Variants in ARHGAP24 observed in about 807,000 individuals in gnomAD.
ARHGAP24 encodes rho GTPase-activating protein 24.
Under a neutral mutation model 76.4 loss-of-function variants are expected in ARHGAP24, and 50 were observed. The observed-to-expected ratio is 0.65, with a 90% CI of 0.52 to 0.83. The LOEUF is 0.83. Among genes scored for constraint, ARHGAP24 ranks in the 40% least tolerant of loss-of-function variants. The pLI, the probability that ARHGAP24 is intolerant of heterozygous loss-of-function variation, is 0.00. For synonymous variants in ARHGAP24, 345 were observed against 323.3 expected (o/e 1.07, Z -0.72); for missense variants, 930 against 914.2 (o/e 1.02, Z -0.22).
intron 3 of ARHGAP24, among the ~76,000 whole-genome samples, chr4:85,911,895 A>G (rs1439799411): frequency 2.0e-5 from 3 of 152,222 alleles, no homozygotes; most frequent in Non-Finnish European, 4.4e-5. Context: ...ACAGGTTAAC[A>G]TTCTTTATAA....
chr4:85,782,337 C>T (rs889140154), intron 3 of ARHGAP24, among the ~76,000 whole-genome samples: 1 of 152,068 alleles, frequency 6.6e-6, no homozygotes, highest in African/African-American at 2.4e-5. Flanking sequence ...TACCATAAGA[C>T]CTAAATTTAA....
At chr4:85,565,178 A>G (rs1324378119) in intron 1 of ARHGAP24, among the ~76,000 whole-genome samples, 1 of 151,874 alleles carries the variant, frequency 6.6e-6, no homozygotes, top group Non-Finnish European at 1.5e-5. Flanking sequence ...TATTAGCAAT[A>G]CCTATAAAAT....
chr4:85,785,331 A>G (rs1047962970), intron 3 of ARHGAP24, among the ~76,000 whole-genome samples: 2 of 152,208 alleles, frequency 1.3e-5, no homozygotes, highest in Non-Finnish European at 2.9e-5. Context: ...TCTGAGTTCA[A>G]TTTGGGTTTT....
intron 3 of ARHGAP24, among the ~76,000 whole-genome samples, chr4:85,836,018 T>A (rs1270144991): frequency 1.3e-5 from 2 of 152,188 alleles, no homozygotes; most frequent in Non-Finnish European, 2.9e-5. Context: ...ATTATGGAAT[T>A]CAGACTTGGC....
At chr4:85,604,837 C>T (rs1231832438) in intron 2 of ARHGAP24, among the ~76,000 whole-genome samples, 3 of 152,038 alleles carry the variant, frequency 2.0e-5, no homozygotes, top group Non-Finnish European at 4.4e-5. Context: ...ATTGGCCTCC[C>T]AAAGTGCTGG....
intron 3 of ARHGAP24, among the ~76,000 whole-genome samples, chr4:85,740,588 T>C (rs970734946): frequency 5.3e-5 from 8 of 152,220 alleles, no homozygotes; most frequent in Non-Finnish European, 1.0e-4. Flanking sequence ...TAGCTATCTT[T>C]TACCTGTTTT....
At position 85,545,621 on chromosome 4, in the gene ARHGAP24, A is replaced by G. The variant is rs1578023175; in HGVS notation, c.-20-24901A>G. Among the ~76,000 whole-genome samples the G allele has an allele frequency of 3.3e-5, 5 of 152,322 alleles. No individual in the cohort carries two copies. The East Asian group carries it at 9.6e-4, about 29-fold the overall frequency. ...CTGCTTCCAAGCTGCTGAAGGGGAA[A>G]GAGCAAAGTCAATGTGGCAGAAAGT... On this transcript the variant is annotated intron_variant, in intron 1 of 9. Coordinates refer to ENST00000395184, the MANE Select transcript of ARHGAP24 (RefSeq NM_001025616.3).
At chr4:85,746,879 T>A (rs1213031229) in intron 3 of ARHGAP24, among the ~76,000 whole-genome samples, 9 of 152,058 alleles carry the variant, frequency 5.9e-5, no homozygotes, top group Admixed American at 2.0e-4. Context: ...GGTCTCGATC[T>A]CCTGACCTCG....
At chr4:85,957,261 C>G (rs1290729083) in intron 5 of ARHGAP24, among the ~76,000 whole-genome samples, 1 of 152,198 alleles carries the variant, frequency 6.6e-6, no homozygotes, top group Non-Finnish European at 1.5e-5. Context: ...AATGTATTCA[C>G]AGTTTTCTTT....
chr4:85,763,550 T>G (rs1227773178), intron 3 of ARHGAP24, among the ~76,000 whole-genome samples: 1 of 152,108 alleles, frequency 6.6e-6, no homozygotes, highest in Admixed American at 6.6e-5. Flanking sequence ...CCAGTAAGAA[T>G]GTAGAGGAGC....
At chr4:85,895,445 T>C (rs1402565523) in intron 3 of ARHGAP24, among the ~76,000 whole-genome samples, 3 of 152,074 alleles carry the variant, frequency 2.0e-5, no homozygotes, top group Non-Finnish European at 4.4e-5. Context: ...AGGACACTCA[T>C]GGAAGGCACT....
At chr4:85,706,581 T>C (rs1269182941) in intron 2 of ARHGAP24, among the ~76,000 whole-genome samples, 1 of 152,078 alleles carries the variant, frequency 6.6e-6, no homozygotes, top group Non-Finnish European at 1.5e-5. Context: ...TCTTTTTTCT[T>C]TTGAGATGGA....
intron 3 of ARHGAP24, among the ~76,000 whole-genome samples, chr4:85,910,915 A>C (rs1735039301): frequency 6.6e-6 from 1 of 151,122 alleles, no homozygotes; most frequent in Non-Finnish European, 1.5e-5. Context: ...ACCCCCTCCC[A>C]TCCAGGAATC....
At chr4:85,827,792 G>A (rs1273587198) in intron 3 of ARHGAP24, 9 of 625,360 alleles carry the variant, frequency 1.4e-5, no homozygotes, top group African/African-American at 5.7e-5. Context: ...GCTGGGGAGC[G>A]AGCCGTGGTT....
intron 3 of ARHGAP24, among the ~76,000 whole-genome samples, chr4:85,772,057 A>G (rs1005197135): frequency 6.6e-6 from 1 of 152,220 alleles, no homozygotes; most frequent in African/African-American, 2.4e-5. Context: ...TAAAATAATT[A>G]ATAAAATATT....
intron 2 of ARHGAP24, among the ~76,000 whole-genome samples, chr4:85,685,055 A>G (rs1263397007): frequency 1.3e-5 from 2 of 152,230 alleles, no homozygotes; most frequent in African/African-American, 2.4e-5. Flanking sequence ...TATTAGATTC[A>G]GTAAGTCTTG....
intron 3 of ARHGAP24, among the ~76,000 whole-genome samples, chr4:85,760,746 G>A (rs1482775865): frequency 3.3e-5 from 5 of 152,134 alleles, no homozygotes; most frequent in Non-Finnish European, 7.4e-5. Context: ...CAAAAGGCCC[G>A]GAGCTTGGAA....
chr4:85,852,363 G>A (rs998544651), intron 3 of ARHGAP24, among the ~76,000 whole-genome samples: 3 of 152,064 alleles, frequency 2.0e-5, no homozygotes, highest in Non-Finnish European at 2.9e-5. Context: ...CTTTTTTCAA[G>A]GTTTTTAGCT....
At chr4:85,721,998 A>C (rs1445426755) in intron 3 of ARHGAP24, 26 bp downstream of exon 3, 3 of 1,591,018 alleles carry the variant, frequency 1.9e-6, no homozygotes, top group Non-Finnish European at 2.6e-6. Context: ...AGTCTGATTA[A>C]ATTATTGTCA....
Sources: gnomAD v4.1 joint callset for allele counts (sites outside exome capture counted in the v4.1 genomes callset) on GRCh38, gnomAD v4.1.1 for gene constraint, MANE v1.5 for transcripts, NCBI Gene and HGNC (gene_info 2026-07-23, HGNC 2026-07-21) for gene names.